Variants in CROCC2 observed in about 807,000 individuals in gnomAD.
CROCC2 encodes ciliary rootlet coiled-coil, rootletin family member 2.
A neutral mutation model predicts 177.6 loss-of-function variants in CROCC2; 163 were observed. The ratio of observed to expected loss-of-function variants is 0.92; its 90% CI spans 0.81 to 1.05. CROCC2 has a LOEUF of 1.05. Ranked by LOEUF, CROCC2 falls within the 50% of genes least tolerant of loss-of-function variation. CROCC2 has a pLI of 0.00. For missense variants in CROCC2, 1,929 were observed against 1,797.8 expected (o/e 1.07, Z -1.32); for synonymous variants, 904 against 787.3 (o/e 1.15, Z -2.48).
At chr2:240,935,630 G>T (rs950719030) in intron 14 of CROCC2, 42 bp downstream of exon 14, 9 of 1,353,310 alleles carry the variant, frequency 6.7e-6, no homozygotes, top group South Asian at 1.7e-5. Flanking sequence ...TCTGGGATGC[G>T]GCTGGGTGGC....
chr2:240,981,755 A>T (rs1423994005), intron 27 of CROCC2: 3 of 152,046 alleles, frequency 2.0e-5, no homozygotes, highest in African/African-American at 7.2e-5. Context: ...TCGGACCAAA[A>T]AAAAAAGTGT....
In CROCC2 at chr2:240,917,078, G is replaced by T. The variant is rs917976575; in HGVS notation, c.79-1648G>T. On this transcript the variant is annotated intron_variant, in intron 1 of 31. Transcript: ENST00000690015. This position sits in a 1 kb window ranked among gnomAD's most constrained non-coding sequence, Gnocchi z 4.9. ...CCCTCCAGAAGAAGAGGCAATGGGG[G>T]AACCTGCAGTGAAGGCGCCTCCCAA... 5.3e-5 allele frequency among the ~76,000 whole-genome samples: 8 copies of T among 152,270 alleles called. No individual in the cohort carries two copies. The highest frequency in any genetic ancestry group is 5.2e-4 in the Admixed American group (8 of 15,300).
chr2:240,923,437 G>A (rs1414454238), intron 4 of CROCC2, among the ~76,000 whole-genome samples: 1 of 130,172 alleles, frequency 7.7e-6, no homozygotes, highest in Non-Finnish European at 1.6e-5. Flanking sequence ...CCCCCACCCT[G>A]CCTGTACTAA....
chr2:240,906,735 G>C, intron 1 of CROCC2, 144 bp downstream of exon 1: 1 of 397,298 alleles, frequency 2.5e-6, no homozygotes, highest in East Asian at 3.6e-5. Context: ...TGTTTGCCTT[G>C]AGCGTGCAGC....
intron 28 of CROCC2, 119 bp from the exon 29 acceptor site, chr2:240,988,620 C>CGACGAA: frequency 1.8e-6 from 2 of 1,099,502 alleles, no homozygotes; most frequent in Admixed American, 4.1e-5. Flanking sequence ...CTGACGCTGC[C>CGACGAA]AGCTCTTAGG....
At chr2:240,975,874 C>A (rs1001605896) in intron 27 of CROCC2, among the ~76,000 whole-genome samples, 1 of 151,888 alleles carries the variant, frequency 6.6e-6, no homozygotes, top group Non-Finnish European at 1.5e-5. Flanking sequence ...AGATTACAGG[C>A]GCCCGCCACC....
Position 240,965,535 on chromosome 2 carries a change from T to C in CROCC2, c.3603+17T>C. 1 of 1,550,140 alleles carries C rather than the reference T, an allele frequency of 6.5e-7. No homozygotes were observed. The highest frequency in any genetic ancestry group is 8.7e-7 in the Non-Finnish European group (1 of 1,146,814). On this transcript the variant is annotated intron_variant, in intron 23 of 31. Transcript: ENST00000690015. ...CGGAAGGAGGTGGGAGGGCTGCCTG[T>C]GGTCAGAAGGGAAGGAGCTGGGCGT... is the stretch of plus-strand genomic sequence containing the variant.
At chr2:240,992,977 A>T (rs770403853) in intron 31 of CROCC2, 89 bp from the exon 32 acceptor site, 10 of 687,090 alleles carry the variant, frequency 1.5e-5, no homozygotes, top group Non-Finnish European at 2.5e-5. Flanking sequence ...CAGGAGACTC[A>T]GCATCGGTCC....
intron 1 of CROCC2, among the ~76,000 whole-genome samples, chr2:240,916,011 G>C (rs960255039): frequency 2.6e-5 from 4 of 152,138 alleles, no homozygotes; most frequent in African/African-American, 7.2e-5. Flanking sequence ...GGCGGGAAAC[G>C]GGCAGGCCCA....
At chr2:240,922,180 C>T (rs952289167) in intron 3 of CROCC2, among the ~76,000 whole-genome samples, 1 of 152,228 alleles carries the variant, frequency 6.6e-6, no homozygotes. Flanking sequence ...CTCAGTTTAC[C>T]CATCTGTAAA....
At chr2:240,930,695 C>T (rs1050231516) in intron 6 of CROCC2, among the ~76,000 whole-genome samples, 2 of 152,018 alleles carry the variant, frequency 1.3e-5, no homozygotes, top group Non-Finnish European at 2.9e-5. Context: ...CTCAGAGGGT[C>T]GATGACTCGG....
At chr2:240,989,479 G>A (rs1401220677) in intron 29 of CROCC2, among the ~76,000 whole-genome samples, 175 bp from the exon 30 acceptor site, 3 of 152,216 alleles carry the variant, frequency 2.0e-5, no homozygotes, top group African/African-American at 7.2e-5. Flanking sequence ...AAGGCCCACG[G>A]GCTGAACATG....
intron 14 of CROCC2, among the ~76,000 whole-genome samples, 179 bp downstream of exon 14, chr2:240,935,767 T>G (rs1199504997): frequency 6.8e-6 from 1 of 147,268 alleles, no homozygotes; most frequent in African/African-American, 2.5e-5. Context: ...GGGGAAGGTA[T>G]GCAGAGAAGA....
At position 240,973,402 on chromosome 2, in the gene CROCC2, C is replaced by G. The variant is rs2059736019; in HGVS notation, c.4401+5140C>G. 6.6e-6 allele frequency among the ~76,000 whole-genome samples: 1 copy of G among 151,958 alleles called. No individual in the cohort carries two copies. The highest frequency in any genetic ancestry group is 2.4e-5 in the African/African-American group (1 of 41,318). On this transcript the variant is annotated intron_variant, in intron 27 of 31. Coordinates refer to ENST00000690015, the MANE Select transcript of CROCC2 (RefSeq NM_001351305.2). The surrounding 1 kb of genome is among the most constrained non-coding windows in gnomAD (Gnocchi z 4.7). ...GGCCTGGCACTCACTCAGCATCACC[C>G]ACAGCCTCATGCCCGCTCAGAAAGG...
intron 30 of CROCC2, among the ~76,000 whole-genome samples, chr2:240,990,383 C>G (rs1283245600): frequency 9.2e-5 from 14 of 152,208 alleles, no homozygotes; most frequent in Admixed American, 8.5e-4. Context: ...GGCTGAACCA[C>G]TGAGCCTTAG....
intron 14 of CROCC2, among the ~76,000 whole-genome samples, chr2:240,937,352 A>G (rs2059477072): frequency 6.6e-6 from 1 of 151,984 alleles, no homozygotes; most frequent in Non-Finnish European, 1.5e-5. Flanking sequence ...TCTTTTTCCT[A>G]TTTTTTAAAC....
rs183088393 is a variant in CROCC2, at chr2:240,960,544, G to A, written c.3087+1100G>A. 1.9e-3 allele frequency among the ~76,000 whole-genome samples: 289 copies of A among 152,274 alleles called. 4 individuals carry two copies. The highest frequency in any genetic ancestry group is 2.9e-3 in the South Asian group (14 of 4,828). ...GTGTGGCAAGGGCAGGAGGGCACGCGGATCTGGGCTAGAGGAGGGGAGGGT... is the reference window on the plus strand; with the variant it reads ...GTGTGGCAAGGGCAGGAGGGCACGCAGATCTGGGCTAGAGGAGGGGAGGGT... On this transcript the variant is annotated intron_variant, in intron 20 of 31. Coordinates refer to ENST00000690015, the MANE Select transcript of CROCC2 (RefSeq NM_001351305.2). The surrounding 1 kb of genome is among the most constrained non-coding windows in gnomAD (Gnocchi z 5.0).
chr2:240,964,356 A>G, intron 21 of CROCC2, 110 bp from the exon 22 acceptor site: 1 of 1,304,044 alleles, frequency 7.7e-7, no homozygotes, highest in Non-Finnish European at 1.1e-6. Context: ...GACACTGTGC[A>G]GAGTCAAGAC....
chr2:240,959,571 T>C, intron 20 of CROCC2, 127 bp downstream of exon 20: 3 of 1,255,662 alleles, frequency 2.4e-6, no homozygotes, highest in African/African-American at 3.1e-5. Context: ...AAGGGAAGAG[T>C]AGTCCCTGGG....
Sources: allele counts gnomAD v4.1 joint callset (sites outside exome capture counted in the v4.1 genomes callset), GRCh38; gene constraint gnomAD v4.1.1; non-coding constraint Gnocchi (gnomAD v3.1); transcripts MANE v1.5; gene names NCBI Gene and HGNC (gene_info 2026-07-23, HGNC 2026-07-21).